FBRSL1: variants seen among roughly 807,000 people sequenced by gnomAD.
FBRSL1 encodes the protein fibrosin like 1.
Under a neutral mutation model 89.6 loss-of-function variants are expected in FBRSL1, and 51 were observed. The ratio of observed to expected loss-of-function variants is 0.57; its 90% CI spans 0.45 to 0.72. FBRSL1 has a LOEUF of 0.72. Ranked by LOEUF, FBRSL1 falls within the 30% of genes least tolerant of loss-of-function variation. The probability of loss-of-function intolerance (pLI) is 0.00; values close to 1 mark genes in which losing one functional copy is unlikely to be tolerated. For synonymous variants in FBRSL1, 779 were observed against 681.1 expected, an observed-to-expected ratio of 1.14 and a Z score of -2.24; for missense variants, 1,618 against 1,451.8, an observed-to-expected ratio of 1.11 and a Z score of -1.86.
intron 2 of FBRSL1, among the ~76,000 whole-genome samples, chr12:132,522,535 T>C (rs1291109210): frequency 1.3e-5 from 2 of 151,954 alleles, no homozygotes; most frequent in Non-Finnish European, 1.5e-5. Flanking sequence ...TTGCTGAGGG[T>C]TCAGGAAATT....
Position 132,490,585 on chromosome 12 carries a change from C to A in FBRSL1, c.15C>A (p.Val5=). ...CACGCGCGGCCATGGAGGCCAAGGT[C>A]CGCCCGAGCCGGCGCTCGCGCGCGC... The part of the protein sequence containing the change: MEAK[V]RPSRRSRAQR... Residue 5 remains valine, a synonymous_variant, in exon 1 of 19, where the codon GTC becomes GTA. Transcript: ENST00000680143. 1 of 982,452 alleles carries A rather than the reference C, an allele frequency of 1.0e-6. No individual in the cohort carries two copies. Among genetic ancestry groups the A allele is most frequent in the Non-Finnish European group, 1.2e-6 (1 of 829,298 alleles). The allele number at this position is 982,452 out of a possible 1,614,324, so 60.9% of individuals were successfully genotyped here.
chr12:132,574,727 G>A (rs971272482), intron 14 of FBRSL1, among the ~76,000 whole-genome samples, 163 bp downstream of exon 14: 8 of 152,048 alleles, frequency 5.3e-5, no homozygotes, highest in East Asian at 1.9e-4. Flanking sequence ...GGCTTTTACC[G>A]TAAGCAGGTC....
Position 132,493,506 on chromosome 12 carries a change from C to T in FBRSL1, c.291+2645C>T, listed in dbSNP as rs111869187. Among the ~76,000 whole-genome samples the T allele has an allele frequency of 3.7e-3, 566 of 152,332 alleles. 6 individuals carry two copies. Among genetic ancestry groups the T allele is most frequent in the African/African-American group, 0.013 (525 of 41,572 alleles). Reference sequence around the variant, plus strand: ...ACTGGGACCAACTCTCGGCCCCAGCCCTGGCCCCTGGGGCAGACCCCCACT... The same window carrying T: ...ACTGGGACCAACTCTCGGCCCCAGCTCTGGCCCCTGGGGCAGACCCCCACT... On this transcript the variant is annotated intron_variant, in intron 1 of 18. Transcript: ENST00000680143.
At chr12:132,496,511 C>T (rs563390078) in intron 1 of FBRSL1, among the ~76,000 whole-genome samples, 32 of 152,338 alleles carry the variant, frequency 2.1e-4, no homozygotes, top group African/African-American at 7.0e-4. Context: ...TCCCACCTGA[C>T]ATCTCTACCT....
chr12:132,492,530 CGT>C (rs1423160997), intron 1 of FBRSL1, among the ~76,000 whole-genome samples: 3 of 152,206 alleles, frequency 2.0e-5, no homozygotes, highest in East Asian at 1.9e-4. Context: ...GCCCCAGATG[CGT>C]GTGTCAGGAA....
At chr12:132,556,883 G>T (rs546922451) in intron 5 of FBRSL1, among the ~76,000 whole-genome samples, 34 of 151,964 alleles carry the variant, frequency 2.2e-4, no homozygotes, top group Non-Finnish European at 4.1e-4. Context: ...CCCGTGGGAG[G>T]TTCCTCTCCA....
intron 1 of FBRSL1, chr12:132,507,388 G>T: frequency 3.0e-6 from 3 of 985,554 alleles, no homozygotes; most frequent in Non-Finnish European, 3.6e-6. Flanking sequence ...GCATACAGAA[G>T]GTGCTTACTA....
chr12:132,530,529 C>T (rs1475360126), intron 4 of FBRSL1, among the ~76,000 whole-genome samples: 1 of 151,894 alleles, frequency 6.6e-6, no homozygotes, highest in African/African-American at 2.4e-5. Context: ...GGTCTGAGGT[C>T]CCCAGGGCAC....
intron 1 of FBRSL1, among the ~76,000 whole-genome samples, chr12:132,500,715 C>T (rs1010748581): frequency 2.9e-4 from 44 of 152,212 alleles, no homozygotes; most frequent in African/African-American, 9.6e-4. Context: ...CCTGCAGACT[C>T]CGTCCAGCCC....
rs1029037351 is a variant in FBRSL1 at position 132,509,548 on chromosome 12, G to A, written c.489+1198G>A. ...CCAGGCCCCAGGCAGTGCTGCAGGC[G>A]CCTGCGGTCCCTGCTGACCCCGTGT... is the stretch of plus-strand genomic sequence containing the variant. On this transcript the variant is annotated intron_variant, in intron 2 of 18. Coordinates refer to ENST00000680143, the MANE Select transcript of FBRSL1 (RefSeq NM_001367871.1). The A allele has an allele frequency of 1.5e-5, 18 of 1,233,116 alleles. No individual in the cohort carries two copies. In the East Asian group the frequency reaches 1.6e-4, roughly 11 times the overall value. The allele number at this position is 1,233,116 out of a possible 1,614,324, so 76.4% of individuals were successfully genotyped here.
Position 132,490,405 on chromosome 12 carries a change from C to T in FBRSL1, c.-166C>T. On this transcript the variant is annotated 5_prime_UTR_variant, in exon 1 of 19. Transcript: ENST00000680143. The stretch of plus-strand genomic sequence containing the variant: ...GCCGGGCCCGGGGCTGAGCCGCCCC[C>T]CGCGCCCGGCATGCCCGGCCCGGCC... 1 of 312,438 alleles carries T rather than the reference C, an allele frequency of 3.2e-6. No homozygotes were observed. Among genetic ancestry groups the T allele is most frequent in the Non-Finnish European group, 4.5e-6 (1 of 221,772 alleles). The allele number at this position is 312,438 out of a possible 1,614,324, so 19.4% of individuals were successfully genotyped here.
intron 2 of FBRSL1, among the ~76,000 whole-genome samples, chr12:132,524,960 G>A (rs533051989): frequency 7.9e-5 from 12 of 152,196 alleles, no homozygotes; most frequent in Admixed American, 7.8e-4. Flanking sequence ...TTCTACTCGG[G>A]GCCACCGTGT....
intron 4 of FBRSL1, among the ~76,000 whole-genome samples, chr12:132,529,677 G>A (rs1281858057): frequency 7.5e-6 from 1 of 133,878 alleles, no homozygotes; most frequent in African/African-American, 2.9e-5. Flanking sequence ...CCTGGGCTCG[G>A]CTCTGCACCC....
Position 132,570,547 on chromosome 12 carries a change from G to A in FBRSL1, c.1213+7G>A, listed in dbSNP as rs2039938932. ...CTCCCAGGACACCCGGCCGGTAGGTGTCTCGGCCACAATCTCGCCCAGGGC... is the reference window on the plus strand; with the variant it reads ...CTCCCAGGACACCCGGCCGGTAGGTATCTCGGCCACAATCTCGCCCAGGGC... On this transcript the variant is annotated splice_region_variant and intron_variant, in intron 8 of 18. Coordinates refer to ENST00000680143, the MANE Select transcript of FBRSL1 (RefSeq NM_001367871.1). 4 of 1,498,696 alleles carry A rather than the reference G, an allele frequency of 2.7e-6. No individual in the cohort carries two copies. Among genetic ancestry groups the A allele is most frequent in the Admixed American group, 2.1e-5 (1 of 47,100 alleles). 92.8% of individuals were successfully genotyped at this position (1,498,696 alleles called of 1,614,324 possible).
chr12:132,503,171 C>T (rs983849154), intron 1 of FBRSL1, among the ~76,000 whole-genome samples: 2 of 151,376 alleles, frequency 1.3e-5, no homozygotes, highest in Non-Finnish European at 2.9e-5. Context: ...AGCCACATGC[C>T]CTCACTGGGT....
intron 2 of FBRSL1, chr12:132,510,899 C>A (rs183422532): frequency 9.9e-7 from 1 of 1,005,416 alleles, no homozygotes; most frequent in Non-Finnish European, 1.2e-6. Context: ...TGCACGCTTG[C>A]CCCTGGCGTG....
chr12:132,579,952 C>T (rs1469241413), intron 15 of FBRSL1, among the ~76,000 whole-genome samples: 1 of 152,200 alleles, frequency 6.6e-6, no homozygotes, highest in African/African-American at 2.4e-5. Flanking sequence ...TGATTTGGGG[C>T]AGGCTCCGTA....
Position 132,508,172 on chromosome 12 carries a change from C to T in FBRSL1, c.311C>T (p.Pro104Leu). ...CTGCAGAAGGATATGGCCCTGAAGC[C>T]ACATGAGCGGAAGGAGAAGTGGGAG... is the stretch of plus-strand genomic sequence containing the variant. ...EALEKDMALK[P>L]HERKEKWERR... Residue 104 changes from proline to leucine, a missense_variant, in exon 2 of 19, where the codon CCA (proline) becomes CTA (leucine). By Grantham distance (98) the Pro-to-Leu change is moderately conservative (BLOSUM62 -3). Coordinates refer to ENST00000680143, the MANE Select transcript of FBRSL1 (RefSeq NM_001367871.1). The T allele has an allele frequency of 2.6e-6, 4 of 1,551,210 alleles. No homozygotes were observed. The highest frequency in any genetic ancestry group is 3.5e-6 in the Non-Finnish European group (4 of 1,146,912).
chr12:132,551,403 C>A (rs1397274347), intron 5 of FBRSL1: 1 of 456,184 alleles, frequency 2.2e-6, no homozygotes, highest in Admixed American at 2.3e-5. Flanking sequence ...GCTGACCCAG[C>A]AGCCGTGCAG....
Sources: gnomAD v4.1 joint callset for allele counts (sites outside exome capture counted in the v4.1 genomes callset) on GRCh38, gnomAD v4.1.1 for gene constraint, MANE v1.5 for transcripts, NCBI Gene and HGNC (gene_info 2026-07-23, HGNC 2026-07-21) for gene names.